The following WDFY3 variants were observed in gnomAD, a reference collection of about 807,000 sequenced individuals.
WDFY3 encodes the protein WD repeat and FYVE domain containing 3.
In WDFY3, 66 loss-of-function variants were observed where a neutral mutation model predicts 409.6. The observed-to-expected ratio is 0.16, with a 90% CI of 0.13 to 0.20. The LOEUF is 0.20. Ranked by LOEUF, WDFY3 falls within the 10% of genes least tolerant of loss-of-function variation. The pLI, the probability that WDFY3 is intolerant of heterozygous loss-of-function variation, is 1.00. For missense variants in WDFY3, 3,031 were observed against 4,298.1 expected (o/e 0.71, Z 8.24); for synonymous variants, 1,521 against 1,537.1 (o/e 0.99, Z 0.25).
chr4:84,679,367 T>A, intron 64 of WDFY3, 125 bp from the exon 65 acceptor site: 1 of 1,002,434 alleles, frequency 1.0e-6, no homozygotes, highest in Non-Finnish European at 1.3e-6. Context: ...AAGCTAAGTG[T>A]AACAAAAAAG....
intron 36 of WDFY3, among the ~76,000 whole-genome samples, chr4:84,749,776 A>G (rs558036340): frequency 6.6e-6 from 1 of 152,314 alleles, no homozygotes; most frequent in Non-Finnish European, 1.5e-5. Flanking sequence ...GGAAGCTTCA[A>G]TCCTGACACC....
intron 59 of WDFY3, 102 bp downstream of exon 59, chr4:84,692,779 TAAAC>T (rs1479146926): frequency 7.3e-6 from 8 of 1,092,004 alleles, no homozygotes; most frequent in African/African-American, 3.2e-5. Flanking sequence ...TGGCACTTAT[TAAAC>T]AAATTATGCT....
At chr4:84,778,407 C>T in intron 27 of WDFY3, 96 bp downstream of exon 27, 1 of 1,167,744 alleles carries the variant, frequency 8.6e-7, no homozygotes, top group Non-Finnish European at 1.2e-6. Flanking sequence ...AATTATAGGG[C>T]TTTAAACACA....
intron 3 of WDFY3, among the ~76,000 whole-genome samples, chr4:84,880,674 CATAT>C (rs61351182): frequency 0.014 from 696 of 50,126 alleles, 1 homozygote; most frequent in Admixed American, 0.019. Context: ...GGGAACCATA[CATAT>C]ATATATATAT....
intron 2 of WDFY3, among the ~76,000 whole-genome samples, chr4:84,899,303 C>T (rs949781327): frequency 6.6e-6 from 1 of 152,042 alleles, no homozygotes; most frequent in South Asian, 2.1e-4. Flanking sequence ...GCAAAATAGA[C>T]CCTCAGTGTA....
At chr4:84,761,499 G>A (rs1742588830) in intron 32 of WDFY3, among the ~76,000 whole-genome samples, 1 of 152,114 alleles carries the variant, frequency 6.6e-6, no homozygotes, top group South Asian at 2.1e-4. Flanking sequence ...CCTGTATTGG[G>A]TGCATATATA....
chr4:84,748,403 C>T (rs1033700014), intron 36 of WDFY3, among the ~76,000 whole-genome samples: 2 of 152,168 alleles, frequency 1.3e-5, no homozygotes, highest in South Asian at 2.1e-4. Context: ...ATATCCAGCA[C>T]ACATGTAATT....
At chr4:84,938,586 G>C (rs543445863) in intron 1 of WDFY3, among the ~76,000 whole-genome samples, 2 of 152,210 alleles carry the variant, frequency 1.3e-5, no homozygotes, top group East Asian at 3.9e-4. Context: ...ACTGGTTCCA[G>C]AGAAAGAACC....
chr4:84,754,782 A>G (rs1741146630), intron 34 of WDFY3, among the ~76,000 whole-genome samples: 1 of 152,214 alleles, frequency 6.6e-6, no homozygotes, highest in Admixed American at 6.5e-5. Context: ...TTAAAAGTTG[A>G]AATAACATAT....
chr4:84,798,698 CTCT>C (rs1006448034), intron 17 of WDFY3, among the ~76,000 whole-genome samples: 53 of 152,256 alleles, frequency 3.5e-4, no homozygotes, highest in African/African-American at 1.3e-3. Flanking sequence ...ATGGAATCTG[CTCT>C]TTTCTCTCAT....
intron 40 of WDFY3, 55 bp downstream of exon 40, chr4:84,738,955 A>G: frequency 6.3e-7 from 1 of 1,589,530 alleles, no homozygotes; most frequent in Non-Finnish European, 8.6e-7. Flanking sequence ...TTATGTCTTA[A>G]AAACTGGAGA....
At chr4:84,812,006 CT>C (rs1338630888) in intron 13 of WDFY3, among the ~76,000 whole-genome samples, 69 of 152,228 alleles carry the variant, frequency 4.5e-4, no homozygotes, top group African/African-American at 1.6e-3. Context: ...CTTGTCAGCA[CT>C]CAAAAAGATT....
At chr4:84,902,399 A>T (rs1331572619) in intron 2 of WDFY3, among the ~76,000 whole-genome samples, 2 of 152,214 alleles carry the variant, frequency 1.3e-5, no homozygotes, top group Admixed American at 6.5e-5. Flanking sequence ...TAGTTTTTTT[A>T]AAACCCAATA....
Position 84,880,748 on chromosome 4 carries a change from T to C in WDFY3, c.-32+16163A>G, listed in dbSNP as rs1026478844. On this transcript the variant is annotated intron_variant, in intron 3 of 67. Coordinates refer to ENST00000295888, the MANE Select transcript of WDFY3 (RefSeq NM_014991.6). ...ATATGTTTTTTTGGAGACAGAGTCTTGCTCTGTTACCCAGGCTGGAGTGCA... is the reference window on the plus strand; with the variant it reads ...ATATGTTTTTTTGGAGACAGAGTCTCGCTCTGTTACCCAGGCTGGAGTGCA... Among the ~76,000 whole-genome samples, 4 of 125,238 alleles carry C rather than the reference T, an allele frequency of 3.2e-5. No homozygotes were observed. The East Asian group carries it at 9.8e-4, about 31-fold the overall frequency. 82.2% of individuals were successfully genotyped at this position (125,238 alleles called of 152,430 possible).
intron 8 of WDFY3, among the ~76,000 whole-genome samples, 164 bp from the exon 9 acceptor site, chr4:84,829,354 C>A (rs1330493783): frequency 6.6e-6 from 1 of 152,000 alleles, no homozygotes; most frequent in Admixed American, 6.6e-5. Flanking sequence ...GAGTCATATG[C>A]ATTGGGAAAG....
rs775244574 is a variant in WDFY3 at position 84,766,026 on chromosome 4, C to T, written c.4972G>A (p.Ala1658Thr). ...AGTGTCTTCACCAGTTCTTCACAAG[C>T]TCTATTCAAGACAGATGGATTTAAA... ...SKEKTSINLQ[A>T]CEELVKTLGF... The change falls in exon 32 of 68, where the codon GCT becomes ACT. Residue 1658 changes from alanine to threonine, a missense_variant and splice_region_variant. Ala to Thr is a moderately conservative substitution (Grantham distance 58). Around this residue, in one of 16 missense-constraint regions of WDFY3, gnomAD observed 342 missense variants for 463.7 expected, o/e 0.74. Coordinates refer to ENST00000295888, the MANE Select transcript of WDFY3 (RefSeq NM_014991.6). 1.9e-6 allele frequency: 3 copies of T among 1,613,836 alleles called. No individual in the cohort carries two copies. The highest frequency in any genetic ancestry group is 1.1e-5 in the South Asian group (1 of 91,062).
intron 19 of WDFY3, 23 bp from the exon 20 acceptor site, chr4:84,795,002 C>G: frequency 6.7e-7 from 1 of 1,491,796 alleles, no homozygotes; most frequent in Non-Finnish European, 8.9e-7. Flanking sequence ...AGACAACATA[C>G]ATATTAGAGA....
At chr4:84,843,000 C>A (rs184892080) in intron 5 of WDFY3, among the ~76,000 whole-genome samples, 7 of 152,128 alleles carry the variant, frequency 4.6e-5, no homozygotes, top group Non-Finnish European at 7.4e-5. Context: ...CATTTTAGCA[C>A]GAAAATTTTA....
chr4:84,794,399 G>T, intron 21 of WDFY3, 120 bp downstream of exon 21: 1 of 1,003,572 alleles, frequency 1.0e-6, no homozygotes, highest in African/African-American at 1.6e-5. Context: ...TATGTAACTT[G>T]TTCTATGCTA....
Sources: gnomAD v4.1 joint callset for allele counts (sites outside exome capture counted in the v4.1 genomes callset) on GRCh38, gnomAD v4.1.1 for gene constraint, gnomAD v4.1.1 regional missense constraint, MANE v1.5 for transcripts, NCBI Gene and HGNC (gene_info 2026-07-23, HGNC 2026-07-21) for gene names.